The following ELF1 variants were observed in gnomAD, a reference collection of about 807,000 sequenced individuals.
ELF1 encodes ETS-related transcription factor Elf-1.
ELF1 carries 24 observed loss-of-function variants against 59.9 expected under a neutral mutation model. The observed-to-expected ratio is 0.40, with a 90% CI of 0.29 to 0.56. ELF1 has a LOEUF of 0.56. Ranked by LOEUF, ELF1 falls within the 20% of genes least tolerant of loss-of-function variation. ELF1 has a pLI of 0.44. For synonymous variants in ELF1, 248 were observed against 266.2 expected, an observed-to-expected ratio of 0.93 and a Z score of 0.67; for missense variants, 627 against 742.2, an observed-to-expected ratio of 0.84 and a Z score of 1.80.
chr13:40,941,960 C>T (rs1203534032), intron 7 of ELF1, among the ~76,000 whole-genome samples: 1 of 152,116 alleles, frequency 6.6e-6, no homozygotes, highest in African/African-American at 2.4e-5. Flanking sequence ...CACTCAGCCC[C>T]CCTCTGCCAA....
rs571543744 is a variant in ELF1, at chr13:40,959,423, G to A, written c.73-407C>T. ...AGGCAGGAGAATCACTTGAACCTGG[G>A]AGGCGGAGGTTGCAGTGAGCCGAGA... On this transcript the variant is annotated intron_variant, in intron 2 of 8. Coordinates refer to ENST00000239882, the MANE Select transcript of ELF1 (RefSeq NM_172373.4). Among the ~76,000 whole-genome samples, 6 of 152,268 alleles carry A rather than the reference G, an allele frequency of 3.9e-5. No individual in the cohort carries two copies. In the South Asian group the frequency reaches 1.0e-3, roughly 26 times the overall value.
Position 40,932,613 on chromosome 13 carries a change from A to G in ELF1, c.*812T>C, listed in dbSNP as rs1869481855. 6.6e-6 allele frequency: 1 copy of G among 152,158 alleles called. No individual in the cohort carries two copies. The highest frequency in any genetic ancestry group is 2.4e-5 in the African/African-American group (1 of 41,438). 9.4% of individuals were successfully genotyped at this position (152,158 alleles called of 1,614,324 possible). ...ATGAATAAATTTTGTTGGGTCACTTATTTCTCTGCAACATTTTAGCTATTC... is the reference window on the plus strand; with the variant it reads ...ATGAATAAATTTTGTTGGGTCACTTGTTTCTCTGCAACATTTTAGCTATTC... On this transcript the variant is annotated 3_prime_UTR_variant, in exon 9 of 9. Transcript: ENST00000239882.
intron 2 of ELF1, among the ~76,000 whole-genome samples, chr13:40,980,678 C>T (rs189736911): frequency 3.2e-4 from 48 of 152,316 alleles, no homozygotes; most frequent in African/African-American, 1.1e-3. Flanking sequence ...AACCTCACCA[C>T]ATCAAGCCTA....
intron 1 of ELF1, among the ~76,000 whole-genome samples, chr13:41,043,312 G>GATCCCATTTGTCA (rs1190543480): frequency 6.6e-6 from 1 of 152,142 alleles, no homozygotes; most frequent in Non-Finnish European, 1.5e-5. Context: ...AGTTTAATTA[G>GATCCCATTTGTCA]ATCCCATTTG....
chr13:40,969,906 G>A (rs1367893198), intron 2 of ELF1, among the ~76,000 whole-genome samples: 2 of 152,040 alleles, frequency 1.3e-5, no homozygotes, highest in Non-Finnish European at 2.9e-5. Flanking sequence ...GTCTTACTAT[G>A]TTGCCCGGGC....
chr13:41,045,259 T>G (rs1239305259), intron 1 of ELF1, among the ~76,000 whole-genome samples: 1 of 152,054 alleles, frequency 6.6e-6, no homozygotes, highest in Non-Finnish European at 1.5e-5. Flanking sequence ...ATGGATTCAC[T>G]GATTTTTTGA....
chr13:41,001,512 C>CA (rs1281267847), intron 1 of ELF1, among the ~76,000 whole-genome samples: 1 of 152,078 alleles, frequency 6.6e-6, no homozygotes, highest in Admixed American at 6.5e-5. Context: ...CACCACACTA[C>CA]AAGTCTTCAA....
At chr13:40,999,705 A>G (rs1874314809) in intron 1 of ELF1, among the ~76,000 whole-genome samples, 1 of 152,144 alleles carries the variant, frequency 6.6e-6, no homozygotes, top group Admixed American at 6.5e-5. Context: ...TACATTGAAA[A>G]CTTCGCATCA....
intron 1 of ELF1, among the ~76,000 whole-genome samples, chr13:41,059,021 A>G (rs905531526): frequency 6.6e-6 from 1 of 152,254 alleles, no homozygotes; most frequent in Admixed American, 6.5e-5. Context: ...CTCTGGGGAC[A>G]ATTAAGGCAG....
intron 1 of ELF1, chr13:40,982,904 T>C (rs1183835882): frequency 5.1e-6 from 5 of 984,526 alleles, no homozygotes; most frequent in Non-Finnish European, 6.0e-6. Flanking sequence ...TGCACTGAAA[T>C]GTATCCTTAT....
At chr13:41,055,110 C>T (rs148620708) in intron 1 of ELF1, among the ~76,000 whole-genome samples, 15 of 152,296 alleles carry the variant, frequency 9.8e-5, no homozygotes, top group African/African-American at 3.6e-4. Flanking sequence ...TCCAAAGTTA[C>T]ACTCCTGACA....
intron 3 of ELF1, among the ~76,000 whole-genome samples, chr13:40,955,710 T>A (rs935144320): frequency 5.6e-4 from 67 of 119,626 alleles, no homozygotes; most frequent in African/African-American, 2.0e-3. Context: ...AGCCGCCCCA[T>A]CCGGGAGGGA....
At chr13:41,057,073 C>G (rs1010815351) in intron 1 of ELF1, among the ~76,000 whole-genome samples, 2 of 151,844 alleles carry the variant, frequency 1.3e-5, no homozygotes, top group Non-Finnish European at 2.9e-5. Context: ...AGCTGAAATG[C>G]AGTAATTGCT....
chr13:41,042,263 C>T (rs1161620829), intron 1 of ELF1, among the ~76,000 whole-genome samples: 1 of 151,900 alleles, frequency 6.6e-6, no homozygotes, highest in African/African-American at 2.4e-5. Context: ...ATTCGCCTGC[C>T]TGGGCCTCCC....
At chr13:41,031,818 CAAAAA>C (rs3072004) in intron 1 of ELF1, among the ~76,000 whole-genome samples, 2 of 82,194 alleles carry the variant, frequency 2.4e-5, no homozygotes, top group African/African-American at 5.1e-5. Context: ...GACTCCGTGT[CAAAAA>C]AAAAAAAAAA....
intron 1 of ELF1, among the ~76,000 whole-genome samples, chr13:40,987,426 C>CA (rs1026187635): frequency 2.7e-4 from 39 of 145,244 alleles, no homozygotes; most frequent in African/African-American, 3.7e-4. Context: ...ACCAAAAACA[C>CA]AAAAAAAAAA....
At chr13:40,969,523 C>T (rs1035936880) in intron 2 of ELF1, among the ~76,000 whole-genome samples, 3 of 152,188 alleles carry the variant, frequency 2.0e-5, no homozygotes, top group African/African-American at 7.2e-5. Flanking sequence ...ATATCACGTG[C>T]AGGGCCTGGC....
chr13:40,973,134 C>T (rs766698931), intron 2 of ELF1, among the ~76,000 whole-genome samples: 1 of 152,252 alleles, frequency 6.6e-6, no homozygotes, highest in South Asian at 2.1e-4. Context: ...AATCATTAAA[C>T]TGTCACCTAA....
chr13:40,954,618 T>C (rs1871097219), intron 3 of ELF1, among the ~76,000 whole-genome samples: 1 of 152,324 alleles, frequency 6.6e-6, no homozygotes, highest in African/African-American at 2.4e-5. Flanking sequence ...TGACTGGTTT[T>C]CGTATTTTTT....
Sources: allele counts gnomAD v4.1 joint callset (sites outside exome capture counted in the v4.1 genomes callset), GRCh38; gene constraint gnomAD v4.1.1; transcripts MANE v1.5; gene names NCBI Gene and HGNC (gene_info 2026-07-23, HGNC 2026-07-21).